PRKN: variants seen among roughly 807,000 people sequenced by gnomAD.
PRKN encodes the protein parkin RBR E3 ubiquitin protein ligase.
PRKN carries 56 observed loss-of-function variants against 59.5 expected under a neutral mutation model. The observed-to-expected ratio is 0.94, with a 90% CI of 0.76 to 1.18. The LOEUF is 1.18. PRKN is among the 50% of genes most tolerant of loss of function. The pLI is 0.00. For missense variants in PRKN, 657 were observed against 596.4 expected (o/e 1.10, Z -1.06); for synonymous variants, 250 against 222.1 (o/e 1.13, Z -1.12).
intron 1 of PRKN, among the ~76,000 whole-genome samples, chr6:162,453,542 T>C (rs1266665788): frequency 1.3e-5 from 2 of 152,176 alleles, no homozygotes; most frequent in Non-Finnish European, 2.9e-5. Context: ...TGTCCCATCC[T>C]AACCAACTAT....
intron 4 of PRKN, among the ~76,000 whole-genome samples, chr6:162,121,521 G>C (rs1780915224): frequency 6.6e-6 from 1 of 152,166 alleles, no homozygotes; most frequent in Admixed American, 6.5e-5. Flanking sequence ...TACCAGTTTT[G>C]ATTGGAGTCT....
intron 1 of PRKN, among the ~76,000 whole-genome samples, chr6:162,566,529 TAGA>T (rs1456233783): frequency 1.3e-5 from 2 of 152,140 alleles, no homozygotes; most frequent in Non-Finnish European, 2.9e-5. Context: ...TTGGAAAGTC[TAGA>T]AGAAGTGGAC....
chr6:162,529,895 C>T (rs1416927575), intron 1 of PRKN, among the ~76,000 whole-genome samples: 8 of 152,048 alleles, frequency 5.3e-5, no homozygotes, highest in Non-Finnish European at 7.4e-5. Flanking sequence ...TTTGGGAGGC[C>T]GAGGCAGGCA....
rs976252799 is a variant in PRKN, at chr6:161,356,462, T to C, written c.1285+3626A>G. ...CAGGACTGACATGGCCTTTGAGAAG[T>C]CTACACGTCTATGTAGAGGACGGAT... On this transcript the variant is annotated intron_variant, in intron 11 of 11. Transcript: ENST00000366898. The surrounding 1 kb of genome is among the most constrained non-coding windows in gnomAD (Gnocchi z 7.8). Among the ~76,000 whole-genome samples, 1 of 152,058 alleles carries C rather than the reference T, an allele frequency of 6.6e-6. No individual in the cohort carries two copies. The highest frequency in any genetic ancestry group is 1.5e-5 in the Non-Finnish European group (1 of 68,012).
chr6:162,127,548 T>A (rs757853605), intron 4 of PRKN, among the ~76,000 whole-genome samples: 1 of 152,184 alleles, frequency 6.6e-6, no homozygotes, highest in Non-Finnish European at 1.5e-5. Flanking sequence ...CAGGAATCAA[T>A]GGCCAAGTAT....
intron 4 of PRKN, among the ~76,000 whole-genome samples, chr6:162,198,981 T>C (rs1562574913): frequency 6.6e-6 from 1 of 152,170 alleles, no homozygotes; most frequent in Non-Finnish European, 1.5e-5. Context: ...CCATGTAAAA[T>C]TCCAGATTGA....
intron 6 of PRKN, among the ~76,000 whole-genome samples, chr6:161,965,063 A>ATG (rs1780525472): frequency 6.6e-6 from 1 of 152,030 alleles, no homozygotes; most frequent in Non-Finnish European, 1.5e-5. Context: ...GAATGAATGA[A>ATG]AGCATACCAA....
intron 2 of PRKN, among the ~76,000 whole-genome samples, chr6:162,389,899 T>C (rs1345815884): frequency 6.6e-6 from 1 of 152,152 alleles, no homozygotes; most frequent in Non-Finnish European, 1.5e-5. Flanking sequence ...TATTGCAGAG[T>C]TTCTCTGCAC....
chr6:162,304,804 T>A (rs1469393587), intron 2 of PRKN, among the ~76,000 whole-genome samples: 2 of 125,564 alleles, frequency 1.6e-5, no homozygotes, highest in Admixed American at 7.3e-5. Context: ...ACCCAGCACC[T>A]CCACTCCAGC....
At position 161,533,058 on chromosome 6, in the gene PRKN, G is replaced by GTGAGTATAAA. The variant is rs1170414870; in HGVS notation, c.1083+15786_1083+15795dup. Among the ~76,000 whole-genome samples, 1 of 152,126 alleles carries GTGAGTATAAA rather than the reference G, an allele frequency of 6.6e-6. No homozygotes were observed. The highest frequency in any genetic ancestry group is 2.4e-5 in the African/African-American group (1 of 41,432). Reference sequence around the variant, plus strand: ...AAATTATGCAGCATAATAAAGATGGGTGAGTATAAATATTCTATAGTGTAC... The same window carrying GTGAGTATAAA: ...AAATTATGCAGCATAATAAAGATGGGTGAGTATAAATGAGTATAAATATTCTATAGTGTAC... On this transcript the variant is annotated intron_variant, in intron 9 of 11. Coordinates refer to ENST00000366898, the MANE Select transcript of PRKN (RefSeq NM_004562.3). This position sits in a 1 kb window ranked among gnomAD's most constrained non-coding sequence, Gnocchi z 4.1.
chr6:161,641,513 A>G (rs1201552634), intron 7 of PRKN, among the ~76,000 whole-genome samples: 1 of 152,180 alleles, frequency 6.6e-6, no homozygotes, highest in African/African-American at 2.4e-5. Context: ...CTTACCTACC[A>G]AATTATCCTT....
At chr6:161,916,789 A>AATTTTT (rs1778575221) in intron 6 of PRKN, among the ~76,000 whole-genome samples, 1 of 152,132 alleles carries the variant, frequency 6.6e-6, no homozygotes, top group South Asian at 2.1e-4. Context: ...CTTTAATTTT[A>AATTTTT]ATTTTTCTTT....
intron 3 of PRKN, among the ~76,000 whole-genome samples, chr6:162,255,445 C>T (rs1050582529): frequency 6.6e-6 from 1 of 152,114 alleles, no homozygotes; most frequent in African/African-American, 2.4e-5. Flanking sequence ...GAAACTGTGG[C>T]CTGGTATGTT....
intron 6 of PRKN, among the ~76,000 whole-genome samples, chr6:161,807,388 GAC>G (rs1216325689): frequency 6.6e-6 from 1 of 152,032 alleles, no homozygotes; most frequent in Admixed American, 6.6e-5. Context: ...GAGCTACATG[GAC>G]ACACACAGGT....
intron 1 of PRKN, among the ~76,000 whole-genome samples, chr6:162,498,393 CTTTT>C (rs60024002): frequency 0.013 from 275 of 21,552 alleles, 9 homozygotes; most frequent in Middle Eastern, 0.056. Flanking sequence ...TCTTTCTTTC[CTTTT>C]TTTTTTTTTT....
chr6:161,549,564 A>ATTATTC lies in PRKN; in HGVS notation c.934-567_934-562dup, dbSNP rs1437638486. On this transcript the variant is annotated intron_variant, in intron 8 of 11. Coordinates refer to ENST00000366898, the MANE Select transcript of PRKN (RefSeq NM_004562.3). The surrounding 1 kb of genome is among the most constrained non-coding windows in gnomAD (Gnocchi z 6.0). ...TAAACAATCACATTTTCCCTTTATC[A>ATTATTC]TTATTCTTATTCTTAAAGCATGATT... is the stretch of plus-strand genomic sequence containing the variant. 6.6e-6 allele frequency among the ~76,000 whole-genome samples: 1 copy of ATTATTC among 152,060 alleles called. No homozygotes were observed. Among genetic ancestry groups the ATTATTC allele is most frequent in the Non-Finnish European group, 1.5e-5 (1 of 68,000 alleles).
intron 6 of PRKN, among the ~76,000 whole-genome samples, chr6:161,887,243 A>G (rs1795187307): frequency 6.6e-6 from 1 of 152,182 alleles, no homozygotes; most frequent in South Asian, 2.1e-4. Context: ...AAAAGACTCA[A>G]GCTGAATGGT....
At chr6:161,706,248 C>A (rs1046008941) in intron 7 of PRKN, among the ~76,000 whole-genome samples, 10 of 152,194 alleles carry the variant, frequency 6.6e-5, no homozygotes, top group African/African-American at 2.4e-4. Flanking sequence ...CAGACCAATT[C>A]ACACCTCTGT....
Position 161,484,321 on chromosome 6 carries a change from G to A in PRKN, c.1083+64533C>T, listed in dbSNP as rs765048751. ...CAAAGTCCTCTTGGAATGCTGAGAC[G>A]CACTGGAAACCTCTAGATGGGCCAT... is the stretch of plus-strand genomic sequence containing the variant. On this transcript the variant is annotated intron_variant, in intron 9 of 11. Transcript: ENST00000366898. The surrounding 1 kb of genome is among the most constrained non-coding windows in gnomAD (Gnocchi z 4.9). Among the ~76,000 whole-genome samples the A allele has an allele frequency of 3.3e-5, 5 of 152,030 alleles. No individual in the cohort carries two copies. Among genetic ancestry groups the A allele is most frequent in the Non-Finnish European group, 5.9e-5 (4 of 68,016 alleles).
Sources: gnomAD v4.1 joint callset for allele counts (sites outside exome capture counted in the v4.1 genomes callset) on GRCh38, gnomAD v4.1.1 for gene constraint, Gnocchi (gnomAD v3.1) non-coding constraint, MANE v1.5 for transcripts, NCBI Gene and HGNC (gene_info 2026-07-23, HGNC 2026-07-21) for gene names.